Variants in LRP1B observed in about 807,000 individuals in gnomAD.
LRP1B encodes LDL receptor related protein 1B.
LRP1B carries 217 observed loss-of-function variants against 556.6 expected under a neutral mutation model. The observed-to-expected ratio is 0.39, with a 90% CI of 0.35 to 0.44. LRP1B has a LOEUF of 0.44. Among genes scored for constraint, LRP1B ranks in the 20% least tolerant of loss-of-function variants. The probability of loss-of-function intolerance (pLI) is 1.00; values close to 1 mark genes in which losing one functional copy is unlikely to be tolerated. For missense variants in LRP1B, 5,053 were observed against 5,620.8 expected, an observed-to-expected ratio of 0.90 and a Z score of 3.23; for synonymous variants, 2,047 against 1,865.8, an observed-to-expected ratio of 1.10 and a Z score of -2.50.
intron 2 of LRP1B, among the ~76,000 whole-genome samples, chr2:141,599,467 G>A (rs1486637456): frequency 1.3e-5 from 2 of 152,188 alleles, no homozygotes; most frequent in East Asian, 1.9e-4. Flanking sequence ...TGCAGGAAGT[G>A]TGAAACTTGA....
At chr2:140,625,930 T>C (rs2105263554) in intron 41 of LRP1B, among the ~76,000 whole-genome samples, 2 of 152,344 alleles carry the variant, frequency 1.3e-5, no homozygotes, top group Admixed American at 1.3e-4. Flanking sequence ...CATGGTTGTT[T>C]ATGGCAGCTT....
chr2:141,654,802 T>G lies in LRP1B; in HGVS notation c.205+155477A>C, dbSNP rs552813835. ...TACAATTCTCTTTTAAGAATAGAAG[T>G]ACTACTTTAATTCTGTTCCCATCTA... On this transcript the variant is annotated intron_variant, in intron 2 of 90. Coordinates refer to ENST00000389484, the MANE Select transcript of LRP1B (RefSeq NM_018557.3). Among the ~76,000 whole-genome samples the G allele has an allele frequency of 7.2e-5, 11 of 152,032 alleles. No individual in the cohort carries two copies. The South Asian group carries it at 2.3e-3, about 32-fold the overall frequency.
At position 140,490,687 on chromosome 2, in the gene LRP1B, T is replaced by C. The variant is rs972809296; in HGVS notation, c.9120+1921A>G. Among the ~76,000 whole-genome samples, 16 of 152,130 alleles carry C rather than the reference T, an allele frequency of 1.1e-4. No homozygotes were observed. The South Asian group carries it at 1.9e-3, about 18-fold the overall frequency. ...AACTCCTTTAAAATTTCTATAACAC[T>C]GTGATGAAACTGTGAGTAAAAATAT... On this transcript the variant is annotated intron_variant, in intron 57 of 90. Coordinates refer to ENST00000389484, the MANE Select transcript of LRP1B (RefSeq NM_018557.3).
intron 2 of LRP1B, among the ~76,000 whole-genome samples, chr2:141,740,837 A>C (rs550047573): frequency 2.0e-5 from 3 of 152,274 alleles, no homozygotes; most frequent in Admixed American, 2.0e-4. Flanking sequence ...GGAGCAAATC[A>C]GATTGAAAAT....
intron 7 of LRP1B, among the ~76,000 whole-genome samples, chr2:141,067,802 C>T (rs930937452): frequency 4.6e-5 from 7 of 151,952 alleles, no homozygotes; most frequent in African/African-American, 7.2e-5. Context: ...GCAAAGTATG[C>T]GGTCCACCTG....
chr2:142,072,608 A>G (rs573436112), intron 1 of LRP1B, among the ~76,000 whole-genome samples: 2 of 152,026 alleles, frequency 1.3e-5, no homozygotes, highest in East Asian at 3.9e-4. Context: ...TTTTTTGTTT[A>G]GCTCATCAGG....
chr2:140,598,392 T>C (rs1682524547), intron 43 of LRP1B, among the ~76,000 whole-genome samples: 1 of 152,190 alleles, frequency 6.6e-6, no homozygotes, highest in Non-Finnish European at 1.5e-5. Flanking sequence ...TTACTATTGC[T>C]CCAGAAAAAG....
At chr2:141,207,980 A>T (rs1013977511) in intron 6 of LRP1B, 1 of 152,152 alleles carries the variant, frequency 6.6e-6, no homozygotes, top group Non-Finnish European at 1.5e-5. Flanking sequence ...CCGCCTTGGG[A>T]AGCATGATTT....
intron 7 of LRP1B, among the ~76,000 whole-genome samples, chr2:141,096,663 A>AGAGAGAGAGAGAGAGG (rs1700324094): frequency 1.6e-5 from 2 of 127,754 alleles, no homozygotes; most frequent in Non-Finnish European, 3.3e-5. Context: ...AGAGAGAGAG[A>AGAGAGAGAGAGAGAGG]GAGAGAGAGA....
chr2:141,874,071 C>T (rs1293662055), intron 1 of LRP1B, among the ~76,000 whole-genome samples: 2 of 134,662 alleles, frequency 1.5e-5, no homozygotes, highest in Non-Finnish European at 3.1e-5. Context: ...TAAAACAATA[C>T]AATGAACTAA....
At chr2:141,676,920 A>T (rs1360253876) in intron 2 of LRP1B, among the ~76,000 whole-genome samples, 1 of 152,176 alleles carries the variant, frequency 6.6e-6, no homozygotes, top group African/African-American at 2.4e-5. Flanking sequence ...GAATTTAGAG[A>T]TGCAAAACTA....
intron 2 of LRP1B, among the ~76,000 whole-genome samples, chr2:141,499,532 A>C (rs192956146): frequency 6.6e-6 from 1 of 151,912 alleles, no homozygotes; most frequent in Non-Finnish European, 1.5e-5. Context: ...CTCTTTCCAC[A>C]TCCTCTTTGG....
chr2:140,536,723 A>G lies in LRP1B; in HGVS notation c.7514-14T>C. The G allele has an allele frequency of 6.3e-7, 1 of 1,580,414 alleles. No individual in the cohort carries two copies. The highest frequency in any genetic ancestry group is 2.3e-5 in the East Asian group (1 of 44,304). ...AGGAATTTTTAGCTGCAAGAAAAAAAAAAAAAGTCAATACTTTTGTGCAAT... is the reference window on the plus strand; with the variant it reads ...AGGAATTTTTAGCTGCAAGAAAAAAGAAAAAAGTCAATACTTTTGTGCAAT... On this transcript the variant is annotated splice_polypyrimidine_tract_variant and intron_variant, in intron 45 of 90. Coordinates refer to ENST00000389484, the MANE Select transcript of LRP1B (RefSeq NM_018557.3).
intron 31 of LRP1B, among the ~76,000 whole-genome samples, chr2:140,827,700 A>T (rs557334940): frequency 9.9e-5 from 15 of 152,118 alleles, no homozygotes; most frequent in Non-Finnish European, 2.2e-4. Context: ...TAGAAAACTT[A>T]CTCAAAGAAA....
At position 140,384,821 on chromosome 2, in the gene LRP1B, C is replaced by T. The variant is rs1178439738; in HGVS notation, c.10531+1072G>A. 2.6e-5 allele frequency among the ~76,000 whole-genome samples: 4 copies of T among 152,060 alleles called. No individual in the cohort carries two copies. The East Asian group carries it at 5.8e-4, about 22-fold the overall frequency. ...AGATGTCTGCAAGAATAGTCATTATCGTTACTAATCTGCTTCAAGTCTTCT... is the reference window on the plus strand; with the variant it reads ...AGATGTCTGCAAGAATAGTCATTATTGTTACTAATCTGCTTCAAGTCTTCT... On this transcript the variant is annotated intron_variant, in intron 67 of 90. Coordinates refer to ENST00000389484, the MANE Select transcript of LRP1B (RefSeq NM_018557.3).
intron 83 of LRP1B, among the ~76,000 whole-genome samples, chr2:140,300,957 A>G (rs1466697616): frequency 6.6e-6 from 1 of 152,088 alleles, no homozygotes; most frequent in East Asian, 1.9e-4. Flanking sequence ...TTCTGTGGTT[A>G]TGTCTACCAA....
chr2:141,131,210 A>G (rs558577966), intron 7 of LRP1B, among the ~76,000 whole-genome samples: 35 of 152,126 alleles, frequency 2.3e-4, no homozygotes, highest in African/African-American at 7.7e-4. Context: ...ATTTCAGGAC[A>G]TAACTCCATT....
chr2:140,812,704 G>A (rs949110220), intron 32 of LRP1B, among the ~76,000 whole-genome samples: 10 of 151,364 alleles, frequency 6.6e-5, no homozygotes, highest in African/African-American at 2.4e-4. Context: ...TATAAATAAA[G>A]GTAAAAATGT....
chr2:142,106,926 T>C (rs1013841874), intron 1 of LRP1B, among the ~76,000 whole-genome samples: 19 of 152,216 alleles, frequency 1.2e-4, no homozygotes, highest in African/African-American at 4.6e-4. Flanking sequence ...CAAATATACA[T>C]GAGCATAAAG....
Sources: allele counts gnomAD v4.1 joint callset (sites outside exome capture counted in the v4.1 genomes callset), GRCh38; gene constraint gnomAD v4.1.1; transcripts MANE v1.5; gene names NCBI Gene and HGNC (gene_info 2026-07-23, HGNC 2026-07-21).